ADCY10: variants seen among roughly 807,000 people sequenced by gnomAD.
The protein encoded by ADCY10 is adenylate cyclase type 10.
A neutral mutation model predicts 183.3 loss-of-function variants in ADCY10; 156 were observed. The observed-to-expected ratio is 0.85, with a 90% CI of 0.75 to 0.97. ADCY10 has a LOEUF of 0.97. ADCY10 is among the 50% of genes least tolerant of loss of function. ADCY10 has a pLI of 0.00. For synonymous variants in ADCY10, 645 were observed against 670.0 expected (o/e 0.96, Z 0.58); for missense variants, 1,745 against 1,934.3 (o/e 0.90, Z 1.84).
rs72697797 is a variant in ADCY10 at position 167,823,118 on chromosome 1, G to T, written c.4058C>A (p.Pro1353Gln). 6.2e-7 allele frequency: 1 copy of T among 1,613,410 alleles called. No homozygotes were observed. Among genetic ancestry groups the T allele is most frequent in the Non-Finnish European group, 8.5e-7 (1 of 1,179,480 alleles). Residue 1353 changes from proline to glutamine, a missense_variant, in exon 29 of 33, where the codon CCG (proline) becomes CAG (glutamine). Coordinates refer to ENST00000367851, the MANE Select transcript of ADCY10 (RefSeq NM_018417.6). ...CCGCCCCAGCACCTGGATCAATTGC[G>T]GGTATCTATGGAAAAGAAAAGGTAG... ...SRCLLLNSRYPQLIQVLGRLW... is the reference protein window; with the variant it reads ...SRCLLLNSRYQQLIQVLGRLW...
chr1:167,821,054 T>TAC (rs1662879130), intron 30 of ADCY10: 1 of 152,264 alleles, frequency 6.6e-6, no homozygotes, highest in African/African-American at 2.4e-5. Context: ...TGATAGACCA[T>TAC]ACGGTTGCAT....
chr1:167,880,774 A>T (rs1667820690), intron 9 of ADCY10, among the ~76,000 whole-genome samples, 165 bp from the exon 10 acceptor site: 1 of 152,152 alleles, frequency 6.6e-6, no homozygotes, highest in Non-Finnish European at 1.5e-5. Context: ...AAACACTTCT[A>T]CTGCATCATC....
At position 167,881,428 on chromosome 1, in the gene ADCY10, G is replaced by T. The variant is rs75210887; in HGVS notation, c.1021-819C>A. 5.2e-3 allele frequency among the ~76,000 whole-genome samples: 787 copies of T among 152,294 alleles called. 10 individuals are homozygous for T. Among genetic ancestry groups the T allele is most frequent in the African/African-American group, 0.018 (755 of 41,572 alleles). ...TCAATTTCTTCAACCCTCTCCAAAAGAATTTGATCAACTGTTAGATCTTAA... is the reference window on the plus strand; with the variant it reads ...TCAATTTCTTCAACCCTCTCCAAAATAATTTGATCAACTGTTAGATCTTAA... On this transcript the variant is annotated intron_variant, in intron 9 of 32. Coordinates refer to ENST00000367851, the MANE Select transcript of ADCY10 (RefSeq NM_018417.6).
Position 167,896,596 on chromosome 1 carries a change from T to G in ADCY10, c.738A>C (p.Lys246Asn), listed in dbSNP as rs765667796. 3 of 1,609,380 alleles carry G rather than the reference T, an allele frequency of 1.9e-6. No homozygotes were observed. The South Asian group carries it at 3.3e-5, about 18-fold the overall frequency. Reference sequence around the variant, plus strand: ...CATTTTTCCATGGTGGGTACTTACTTTTGTGCTCACCAGAAGGATAATAAT... The same window carrying G: ...CATTTTTCCATGGTGGGTACTTACTGTTGTGCTCACCAGAAGGATAATAAT... ...FMHYYPSGEH[K>N]NLLRLACTLK... The change falls in exon 7 of 33, where the codon AAA becomes AAC. Residue 246 changes from lysine (K) to asparagine (N), a missense_variant and splice_region_variant. Coordinates refer to ENST00000367851, the MANE Select transcript of ADCY10 (RefSeq NM_018417.6).
chr1:167,904,647 C>T (rs765333837), intron 2 of ADCY10: 91 of 580,994 alleles, frequency 1.6e-4, no homozygotes, highest in Non-Finnish European at 2.6e-4. Flanking sequence ...ATGTAAACAT[C>T]ATCTAGGGAG....
intron 1 of ADCY10, among the ~76,000 whole-genome samples, chr1:167,912,268 T>A (rs1461474656): frequency 6.6e-6 from 1 of 152,032 alleles, no homozygotes; most frequent in African/African-American, 2.4e-5. Context: ...CTCCAGAAAA[T>A]TTCTTGTAAA....
intron 8 of ADCY10, among the ~76,000 whole-genome samples, chr1:167,893,053 T>C (rs1223731832): frequency 6.6e-6 from 1 of 152,150 alleles, no homozygotes; most frequent in Non-Finnish European, 1.5e-5. Context: ...ATAGTTATAA[T>C]TCACATGGAA....
intron 8 of ADCY10, among the ~76,000 whole-genome samples, chr1:167,885,702 G>T (rs767533997): frequency 1.8e-4 from 28 of 151,874 alleles, no homozygotes; most frequent in Non-Finnish European, 3.5e-4. Context: ...TGCAACCTCC[G>T]CCTCCTGGGT....
intron 18 of ADCY10, among the ~76,000 whole-genome samples, chr1:167,851,768 A>G (rs1181215577): frequency 6.6e-6 from 1 of 151,614 alleles, no homozygotes; most frequent in Non-Finnish European, 1.5e-5. Context: ...GGCTGCAGTG[A>G]GCCAAGATCG....
At chr1:167,824,102 C>T (rs1208147496) in intron 28 of ADCY10, among the ~76,000 whole-genome samples, 2 of 152,178 alleles carry the variant, frequency 1.3e-5, no homozygotes, top group African/African-American at 4.8e-5. Flanking sequence ...GGGTGGGTCA[C>T]TTGAGGTCAG....
chr1:167,901,316 T>A (rs1296118135), intron 5 of ADCY10, among the ~76,000 whole-genome samples: 2 of 152,192 alleles, frequency 1.3e-5, no homozygotes, highest in Non-Finnish European at 2.9e-5. Flanking sequence ...AGTCTCTATT[T>A]TGTTTTATAC....
intron 26 of ADCY10, among the ~76,000 whole-genome samples, chr1:167,825,673 T>G (rs958062198): frequency 6.6e-6 from 1 of 152,162 alleles, no homozygotes; most frequent in African/African-American, 2.4e-5. Flanking sequence ...TAATCCTAGC[T>G]ACTCAGGAAG....
intron 26 of ADCY10, among the ~76,000 whole-genome samples, chr1:167,827,167 T>C (rs550417362): frequency 5.8e-4 from 88 of 151,416 alleles, no homozygotes; most frequent in Non-Finnish European, 1.0e-3. Context: ...AGACTTAATG[T>C]ACTTTTTTTT....
intron 8 of ADCY10, among the ~76,000 whole-genome samples, chr1:167,893,314 C>T (rs1241854149): frequency 1.3e-5 from 2 of 152,122 alleles, no homozygotes; most frequent in African/African-American, 4.8e-5. Flanking sequence ...TATAAGGCAA[C>T]GCAGTCCTAT....
At position 167,845,724 on chromosome 1, in the gene ADCY10, A is replaced by C. The variant is rs763649691; in HGVS notation, c.2846T>G (p.Met949Arg). 1.4e-5 allele frequency: 23 copies of C among 1,614,112 alleles called. No homozygotes were observed. The highest frequency in any genetic ancestry group is 1.9e-5 in the Non-Finnish European group (23 of 1,180,036). The change falls in exon 21 of 33, where the codon ATG becomes AGG. Residue 949 changes from methionine to arginine, a missense_variant. Met to Arg is a moderately conservative substitution (Grantham distance 91). Transcript: ENST00000367851. ...TAAAAAGCGGGCACATTTCAAGTGC[A>C]TGGCTTTTCTCTGGTCCTTGAGCCA... is the stretch of plus-strand genomic sequence containing the variant. ...ELWLKDQRKA[M>R]HLKCARFLEE...
chr1:167,836,277 G>A (rs773358649), intron 23 of ADCY10, 32 bp downstream of exon 23: 1 of 1,414,202 alleles, frequency 7.1e-7, no homozygotes, highest in Non-Finnish European at 1.0e-6. Context: ...ATTGTCTCTA[G>A]GGTGGAGGTG....
At chr1:167,850,123 G>A (rs1024696390) in intron 18 of ADCY10, among the ~76,000 whole-genome samples, 1 of 152,128 alleles carries the variant, frequency 6.6e-6, no homozygotes, top group Non-Finnish European at 1.5e-5. Context: ...ATATGGAAAA[G>A]GCGAGAGACT....
chr1:167,913,115 A>G (rs1483274805), intron 1 of ADCY10, among the ~76,000 whole-genome samples: 1 of 152,206 alleles, frequency 6.6e-6, no homozygotes, highest in African/African-American at 2.4e-5. Flanking sequence ...CACATCAAGA[A>G]TACAGCATGA....
At chr1:167,883,737 T>C in intron 8 of ADCY10, 109 bp from the exon 9 acceptor site, 1 of 970,528 alleles carries the variant, frequency 1.0e-6, no homozygotes, top group East Asian at 2.5e-5. Flanking sequence ...TACCTCAGAA[T>C]GGGTGAGGTA....
Sources: gnomAD v4.1 joint callset for allele counts (sites outside exome capture counted in the v4.1 genomes callset) on GRCh38, gnomAD v4.1.1 for gene constraint, MANE v1.5 for transcripts, NCBI Gene and HGNC (gene_info 2026-07-23, HGNC 2026-07-21) for gene names.